CASD1: variants seen among roughly 807,000 people sequenced by gnomAD.
CASD1 encodes the protein CAS1 domain sialic acid O acetyltransferase 1, also known as N-acetylneuraminate (7)9-O-acetyltransferase.
A neutral mutation model predicts 100.0 loss-of-function variants in CASD1; 41 were observed. That is an observed-to-expected ratio of 0.41 (90% confidence interval 0.32 to 0.53). The LOEUF (loss-of-function observed/expected upper bound fraction) is 0.53. CASD1 is among the 20% of genes least tolerant of loss of function. CASD1 has a pLI of 0.25. For synonymous variants in CASD1, 321 were observed against 315.6 expected, an observed-to-expected ratio of 1.02 and a Z score of -0.18; for missense variants, 774 against 948.7, an observed-to-expected ratio of 0.82 and a Z score of 2.42.
chr7:94,598,458 G>A, the CASD1 span: 1 of 310,274 alleles, frequency 3.2e-6, no homozygotes, highest in African/African-American at 2.2e-5. Context: ...GAAATGCTTA[G>A]GATATGGTTC....
At chr7:94,631,650 G>A in the CASD1 span, among the ~76,000 whole-genome samples, 1 of 151,920 alleles carries the variant, frequency 6.6e-6, no homozygotes. Flanking sequence ...ATACTGTGGG[G>A]GCCTTTCGGG....
At chr7:94,592,162 G>A in the CASD1 span, among the ~76,000 whole-genome samples, 1 of 152,180 alleles carries the variant, frequency 6.6e-6, no homozygotes, top group Non-Finnish European at 1.5e-5. Flanking sequence ...GAACCTGTAA[G>A]TATTAAAGTG....
chr7:94,559,310 G>GTGTA (rs1554417435), downstream of CASD1, among the ~76,000 whole-genome samples: 11 of 125,728 alleles, frequency 8.7e-5, no homozygotes, highest in East Asian at 8.9e-4. Context: ...GTGTGTATGT[G>GTGTA]TGTGTGTGTG....
At chr7:94,588,129 A>C in the CASD1 span, 42 of 1,152,288 alleles carry the variant, frequency 3.6e-5, no homozygotes, top group Non-Finnish European at 4.2e-5. Flanking sequence ...ATTTTTAGGG[A>C]CACTTGAAAG....
chr7:94,560,241 T>G (rs890636779), downstream of CASD1, among the ~76,000 whole-genome samples: 1 of 152,218 alleles, frequency 6.6e-6, no homozygotes, highest in Non-Finnish European at 1.5e-5. Flanking sequence ...TGATGTGTTT[T>G]TCTTAGGTTA....
the CASD1 span, among the ~76,000 whole-genome samples, chr7:94,610,611 A>G: frequency 6.6e-6 from 1 of 152,338 alleles, no homozygotes; most frequent in East Asian, 1.9e-4. Context: ...GATTCTTAAA[A>G]TATGACACTA....
chr7:94,617,599 T>C, the CASD1 span: 2 of 152,262 alleles, frequency 1.3e-5, no homozygotes, highest in East Asian at 1.9e-4. Context: ...AAATTTAAGC[T>C]CTAGAATTAT....
chr7:94,533,408 ATTAAC>A (rs938946736), intron 6 of CASD1, among the ~76,000 whole-genome samples, 159 bp downstream of exon 6: 10 of 152,320 alleles, frequency 6.6e-5, no homozygotes, highest in Admixed American at 2.6e-4. Context: ...AAATACTGGA[ATTAAC>A]TTAGGAAACT....
the CASD1 span, among the ~76,000 whole-genome samples, chr7:94,610,589 G>C: frequency 2.0e-5 from 3 of 152,076 alleles, no homozygotes; most frequent in Non-Finnish European, 4.4e-5. Context: ...ATATGACCTT[G>C]GATTAGGCAA....
At chr7:94,628,139 C>CACAT in the CASD1 span, 1 of 674,320 alleles carries the variant, frequency 1.5e-6, no homozygotes, top group Non-Finnish European at 2.1e-6. Context: ...AATTACAATA[C>CACAT]ACACACACAC....
the CASD1 span, chr7:94,619,463 A>G: frequency 6.6e-6 from 1 of 152,342 alleles, no homozygotes; most frequent in Admixed American, 6.5e-5. Flanking sequence ...TTTCCTCCTC[A>G]ATGTGTCATC....
chr7:94,515,674 C>G (rs964911568), intron 1 of CASD1, among the ~76,000 whole-genome samples: 2 of 151,948 alleles, frequency 1.3e-5, no homozygotes, highest in Non-Finnish European at 1.5e-5. Flanking sequence ...GTGTTTCTGT[C>G]TGGGCTTTTA....
rs1796216919 is a variant in CASD1 at position 94,556,665 on chromosome 7, A to G, written c.*907A>G. On this transcript the variant is annotated 3_prime_UTR_variant, in exon 18 of 18. Coordinates refer to ENST00000297273, the MANE Select transcript of CASD1 (RefSeq NM_022900.5). ...CTATTTTAAATATTTATCAGTCTAA[A>G]CTTGTGCAGTGTAGTAAACATGCAA... 6.6e-6 allele frequency: 1 copy of G among 151,950 alleles called. No homozygotes were observed. The highest frequency in any genetic ancestry group is 2.1e-4 in the South Asian group (1 of 4,832). 9.4% of individuals were successfully genotyped at this position (151,950 alleles called of 1,614,324 possible).
chr7:94,572,942 G>A, the CASD1 span, among the ~76,000 whole-genome samples: 2 of 152,114 alleles, frequency 1.3e-5, no homozygotes, highest in African/African-American at 4.8e-5. Flanking sequence ...CCAATCTTCT[G>A]CATATGGCTA....
intron 5 of CASD1, 24 bp downstream of exon 5, chr7:94,528,274 T>C (rs1584395066): frequency 1.6e-5 from 1 of 63,726 alleles, no homozygotes; most frequent in Non-Finnish European, 2.3e-5. Flanking sequence ...AAACATAGGC[T>C]TTTTTTTTTT....
chr7:94,572,487 T>C, the CASD1 span, among the ~76,000 whole-genome samples: 1 of 152,230 alleles, frequency 6.6e-6, no homozygotes, highest in Non-Finnish European at 1.5e-5. Context: ...ATCAGTGATA[T>C]TGAACTTTTC....
chr7:94,634,060 A>T, the CASD1 span, among the ~76,000 whole-genome samples: 1 of 152,176 alleles, frequency 6.6e-6, no homozygotes, highest in Non-Finnish European at 1.5e-5. Flanking sequence ...CTTTGAGAAG[A>T]AAGTCATAAA....
At position 94,517,609 on chromosome 7, in the gene CASD1, G is replaced by T; in HGVS notation, c.183G>T (p.Glu61Asp). ...TCTCAAGTGGCAGATTTCTTGGAGA[G>T]AAAGTTTGGCAACCTCACAGTTGTA... is the stretch of plus-strand genomic sequence containing the variant. ...YLLSSGRFLG[E>D]KVWQPHSCMM... The change falls in exon 2 of 18, where the codon GAG (glutamate) becomes GAT (aspartate). Residue 61 changes from glutamate (E) to aspartate (D), a missense_variant. Transcript: ENST00000297273. The T allele has an allele frequency of 1.2e-6, 2 of 1,612,970 alleles. No homozygotes were observed. Among genetic ancestry groups the T allele is most frequent in the Non-Finnish European group, 1.7e-6 (2 of 1,179,380 alleles).
intron 10 of CASD1, among the ~76,000 whole-genome samples, chr7:94,542,540 C>T (rs1795461486): frequency 6.6e-6 from 1 of 151,974 alleles, no homozygotes; most frequent in African/African-American, 2.4e-5. Context: ...CTCTGGTAAC[C>T]TCATTAAAAA....
Sources: allele counts gnomAD v4.1 joint callset (sites outside exome capture counted in the v4.1 genomes callset), GRCh38; gene constraint gnomAD v4.1.1; transcripts MANE v1.5; gene names NCBI Gene and HGNC (gene_info 2026-07-23, HGNC 2026-07-21).